Variants in ZNF407 observed in about 807,000 individuals in gnomAD.
ZNF407 encodes the protein zinc finger protein 407.
Under a neutral mutation model 131.2 loss-of-function variants are expected in ZNF407, and 17 were observed. That is an observed-to-expected ratio of 0.13 (90% CI 0.09 to 0.19). The LOEUF (loss-of-function observed/expected upper bound fraction) is 0.19. Ranked by LOEUF, ZNF407 falls within the 10% of genes least tolerant of loss-of-function variation. ZNF407 has a pLI of 1.00. For synonymous variants in ZNF407, 1,156 were observed against 1,062.0 expected (o/e 1.09, Z -1.72); for missense variants, 2,681 against 2,830.6 (o/e 0.95, Z 1.20).
intron 1 of ZNF407, among the ~76,000 whole-genome samples, chr18:74,614,366 C>T (rs986670399): frequency 6.6e-6 from 1 of 152,138 alleles, no homozygotes; most frequent in Non-Finnish European, 1.5e-5. Flanking sequence ...CTAAAAGTGG[C>T]ATTCAGAATA....
At chr18:74,771,083 A>G (rs1290166762) in intron 3 of ZNF407, among the ~76,000 whole-genome samples, 1 of 152,168 alleles carries the variant, frequency 6.6e-6, no homozygotes, top group East Asian at 1.9e-4. Context: ...TGCTTGATAT[A>G]AAATTACAAG....
At chr18:74,922,963 G>T (rs1486414071) in intron 8 of ZNF407, among the ~76,000 whole-genome samples, 1 of 152,190 alleles carries the variant, frequency 6.6e-6, no homozygotes, top group Non-Finnish European at 1.5e-5. Flanking sequence ...CTACCACACA[G>T]AATGTGTGTG....
chr18:74,689,559 A>G (rs1235488597), intron 3 of ZNF407, among the ~76,000 whole-genome samples: 1 of 152,190 alleles, frequency 6.6e-6, no homozygotes, highest in African/African-American at 2.4e-5. Flanking sequence ...TGCTTTATAT[A>G]CTCACCATTT....
chr18:74,777,799 A>T (rs1969504890), intron 3 of ZNF407, among the ~76,000 whole-genome samples: 2 of 151,896 alleles, frequency 1.3e-5, no homozygotes, highest in Admixed American at 6.6e-5. Flanking sequence ...ATGGAAGCTG[A>T]GGCTAGGTGT....
chr18:74,790,125 C>T (rs1456285428), intron 4 of ZNF407, among the ~76,000 whole-genome samples: 3 of 152,084 alleles, frequency 2.0e-5, no homozygotes, highest in African/African-American at 7.2e-5. Flanking sequence ...TATCTTATTC[C>T]TTCCATCTCC....
At chr18:74,728,773 A>G (rs1968220967) in intron 3 of ZNF407, among the ~76,000 whole-genome samples, 1 of 152,204 alleles carries the variant, frequency 6.6e-6, no homozygotes, top group Non-Finnish European at 1.5e-5. Context: ...TGTGGAAAGG[A>G]GAAGCCATGG....
chr18:74,946,530 A>T (rs541275457), intron 8 of ZNF407, among the ~76,000 whole-genome samples: 9 of 152,236 alleles, frequency 5.9e-5, no homozygotes, highest in Non-Finnish European at 8.8e-5. Context: ...TTTTGACCAC[A>T]CTTTACAGTG....
chr18:74,631,410 C>G lies in ZNF407; in HGVS notation c.391C>G (p.Leu131Val), dbSNP rs375286661. 41 of 1,613,636 alleles carry G rather than the reference C, an allele frequency of 2.5e-5. No homozygotes were observed. The highest frequency in any genetic ancestry group is 3.3e-5 in the Non-Finnish European group (39 of 1,179,774). The change falls in exon 2 of 9, where the codon CTC becomes GTC. Residue 131 changes from leucine to valine, a missense_variant. Leu to Val is a conservative substitution (Grantham distance 32). Coordinates refer to ENST00000299687, the MANE Select transcript of ZNF407 (RefSeq NM_017757.3). ...TGGAGGCACATGTCTCCCAAATGCC[C>G]TCTCCCCTTCTTGCAATTTTAGCAC... is the stretch of plus-strand genomic sequence containing the variant. Reference protein sequence around the residue: ...TVGGTCLPNALSPSCNFSTID... With the variant: ...TVGGTCLPNAVSPSCNFSTID...
intron 3 of ZNF407, among the ~76,000 whole-genome samples, chr18:74,730,358 A>G (rs1183565045): frequency 6.6e-6 from 1 of 152,230 alleles, no homozygotes; most frequent in South Asian, 2.1e-4. Context: ...AGGAATGGCC[A>G]TCCTCTTTAA....
rs893255726 is a variant in ZNF407 at position 74,888,986 on chromosome 18, G to T, written c.5129-932G>T. ...ACAACAGACCACATACACAATGGTG[G>T]TCCTATGAGGTTATAACACTGTGTT... is the stretch of plus-strand genomic sequence containing the variant. On this transcript the variant is annotated intron_variant, in intron 6 of 8. Transcript: ENST00000299687. Among the ~76,000 whole-genome samples, 13 of 152,268 alleles carry T rather than the reference G, an allele frequency of 8.5e-5. No homozygotes were observed. In the South Asian group the frequency reaches 1.7e-3, roughly 19 times the overall value.
At chr18:74,798,209 A>AACACACAC (rs35388545) in intron 4 of ZNF407, among the ~76,000 whole-genome samples, 2,310 of 147,890 alleles carry the variant, frequency 0.016, 22 homozygotes, top group East Asian at 0.039. Context: ...CCTTTACACA[A>AACACACAC]ACACACACAC....
intron 3 of ZNF407, among the ~76,000 whole-genome samples, chr18:74,694,235 G>A (rs1389320991): frequency 1.3e-5 from 2 of 152,060 alleles, no homozygotes; most frequent in African/African-American, 4.8e-5. Flanking sequence ...GTCTTTTAGA[G>A]CAAGTCTGGT....
At chr18:74,755,728 C>CCTTTCTTTTT (rs1555684066) in intron 3 of ZNF407, among the ~76,000 whole-genome samples, 1 of 63,468 alleles carries the variant, frequency 1.6e-5, no homozygotes, top group African/African-American at 7.1e-5. Flanking sequence ...TTCTTTCTTT[C>CCTTTCTTTTT]CTTTCTTTCT....
intron 7 of ZNF407, among the ~76,000 whole-genome samples, chr18:74,904,662 G>A (rs1387208648): frequency 6.6e-6 from 1 of 152,202 alleles, no homozygotes. Context: ...TAGAAAGGAA[G>A]ATGTTAAAGT....
At chr18:74,937,844 A>G (rs1599253879) in intron 8 of ZNF407, among the ~76,000 whole-genome samples, 2 of 152,174 alleles carry the variant, frequency 1.3e-5, no homozygotes, top group Non-Finnish European at 2.9e-5. Flanking sequence ...TAATTATGTA[A>G]CCATATTTGA....
Position 74,641,130 on chromosome 18 carries a change from A to T in ZNF407, c.4802+8A>T. The T allele has an allele frequency of 6.2e-7, 1 of 1,601,144 alleles. No individual in the cohort carries two copies. The stretch of plus-strand genomic sequence containing the variant: ...CAAGTGTCATGTCTGTGGGTGAGTA[A>T]ATTGAAGCCATCTCTGCTGCGTGAA... On this transcript the variant is annotated splice_region_variant and intron_variant, in intron 3 of 8. Transcript: ENST00000299687.
chr18:74,965,786 A>C (rs1248180322), intron 8 of ZNF407, among the ~76,000 whole-genome samples: 1 of 152,174 alleles, frequency 6.6e-6, no homozygotes, highest in Non-Finnish European at 1.5e-5. Context: ...ACACTGTTTA[A>C]GGGCTCCTTC....
At chr18:75,051,015 C>T (rs1196817504) in intron 8 of ZNF407, among the ~76,000 whole-genome samples, 1 of 151,872 alleles carries the variant, frequency 6.6e-6, no homozygotes, top group South Asian at 2.1e-4. Flanking sequence ...TATTATATGC[C>T]AAGCACTGAA....
chr18:74,998,781 T>A (rs1466669372), intron 8 of ZNF407, among the ~76,000 whole-genome samples: 1 of 95,156 alleles, frequency 1.1e-5, no homozygotes, highest in African/African-American at 4.4e-5. Flanking sequence ...ATTGTGGAAG[T>A]CAGTGTGGCG....
Sources: gnomAD v4.1 joint callset for allele counts (sites outside exome capture counted in the v4.1 genomes callset) on GRCh38, gnomAD v4.1.1 for gene constraint, MANE v1.5 for transcripts, NCBI Gene and HGNC (gene_info 2026-07-23, HGNC 2026-07-21) for gene names.